The following GNAS variants were observed in gnomAD, a reference collection of about 807,000 sequenced individuals.
The protein encoded by GNAS is protein ALEX.
Under a neutral mutation model 54.5 loss-of-function variants are expected in GNAS, and 8 were observed. The observed-to-expected ratio is 0.15, with a 90% CI of 0.09 to 0.26. The LOEUF (loss-of-function observed/expected upper bound fraction) is 0.26, where lower values mean the gene tolerates loss of function less well. GNAS is among the 10% of genes least tolerant of loss of function. The pLI, the probability that GNAS is intolerant of heterozygous loss-of-function variation, is 1.00. For missense variants in GNAS, 170 were observed against 529.8 expected, an observed-to-expected ratio of 0.32 and a Z score of 6.67; for synonymous variants, 204 against 191.4, an observed-to-expected ratio of 1.07 and a Z score of -0.54.
At chr20:58,893,463 C>T (rs912665772) in intron 1 of GNAS, among the ~76,000 whole-genome samples, 2 of 152,188 alleles carry the variant, frequency 1.3e-5, no homozygotes, top group African/African-American at 2.4e-5. Flanking sequence ...TTCGTGGTCA[C>T]ATTTCAACAA....
chr20:58,890,279 C>G (rs1188841031), upstream of GNAS, among the ~76,000 whole-genome samples: 1 of 150,692 alleles, frequency 6.6e-6, no homozygotes, highest in African/African-American at 2.4e-5. Flanking sequence ...CCGCCGCCGA[C>G]GACGACGAGG....
upstream of GNAS, among the ~76,000 whole-genome samples, chr20:58,886,793 G>C (rs2088619223): frequency 6.6e-6 from 1 of 152,210 alleles, no homozygotes; most frequent in Admixed American, 6.5e-5. Context: ...TTGTGTTTCA[G>C]CACTCTGGGT....
chr20:58,905,819 T>A (rs1054834955), intron 6 of GNAS, among the ~76,000 whole-genome samples: 2 of 152,248 alleles, frequency 1.3e-5, no homozygotes, highest in Non-Finnish European at 2.9e-5. Flanking sequence ...GCTCACATTT[T>A]GAATAATGTA....
chr20:58,865,396 C>T (rs1164707878), intron 1 of GNAS, among the ~76,000 whole-genome samples: 2 of 149,260 alleles, frequency 1.3e-5, no homozygotes, highest in African/African-American at 2.5e-5. Flanking sequence ...CCAGCCTGGG[C>T]AACAAGAGCA....
At chr20:58,891,956 G>GGC (rs2089421487) in intron 1 of GNAS, 91 bp downstream of exon 1, 1 of 829,172 alleles carries the variant, frequency 1.2e-6, no homozygotes, top group Non-Finnish European at 1.4e-6. Flanking sequence ...CCCCGCCCCG[G>GGC]GCGCGCGCTC....
intron 1 of GNAS, among the ~76,000 whole-genome samples, chr20:58,846,293 A>G (rs536570912): frequency 6.6e-6 from 1 of 152,258 alleles, no homozygotes; most frequent in East Asian, 1.9e-4. Context: ...TCTGGTGGCT[A>G]AGGGGGTTAG....
chr20:58,893,491 G>A (rs574652478), intron 1 of GNAS, among the ~76,000 whole-genome samples: 2 of 152,266 alleles, frequency 1.3e-5, no homozygotes, highest in African/African-American at 4.8e-5. Flanking sequence ...TGAGTATAAA[G>A]AAAATAATAA....
chr20:58,877,180 C>T (rs974537945), intron 1 of GNAS, among the ~76,000 whole-genome samples: 11 of 150,218 alleles, frequency 7.3e-5, no homozygotes, highest in Admixed American at 6.6e-4. Context: ...AGAGGAGGCT[C>T]GTGGTGGGGG....
intron 6 of GNAS, among the ~76,000 whole-genome samples, chr20:58,908,268 C>T (rs1490097662): frequency 6.6e-6 from 1 of 152,126 alleles, no homozygotes; most frequent in African/African-American, 2.4e-5. Flanking sequence ...TTAATTACCC[C>T]AATCTTTCAA....
At chr20:58,908,311 CACAA>C (rs2091216072) in intron 6 of GNAS, among the ~76,000 whole-genome samples, 1 of 152,130 alleles carries the variant, frequency 6.6e-6, no homozygotes, top group African/African-American at 2.4e-5. Flanking sequence ...AGTCAAGCAA[CACAA>C]ACAAGATGCT....
chr20:58,855,994 G>C (rs572019763), intron 1 of GNAS: 1 of 258,766 alleles, frequency 3.9e-6, no homozygotes, highest in African/African-American at 2.2e-5. Context: ...GGCGCTCTGC[G>C]GCAAGCGGTG....
intron 1 of GNAS, among the ~76,000 whole-genome samples, chr20:58,893,797 C>T (rs2089764835): frequency 1.3e-5 from 2 of 152,220 alleles, no homozygotes; most frequent in Admixed American, 6.5e-5. Context: ...AATGCTATCT[C>T]AGTACTACTT....
At chr20:58,859,740 C>T (rs1394580890) in intron 1 of GNAS, among the ~76,000 whole-genome samples, 4 of 151,944 alleles carry the variant, frequency 2.6e-5, no homozygotes, top group Middle Eastern at 3.4e-3. Flanking sequence ...GATTCTCCTG[C>T]CTCAGCCTCC....
chr20:58,884,682 A>G (rs1457228318), intron 1 of GNAS: 3 of 152,214 alleles, frequency 2.0e-5, no homozygotes, highest in Non-Finnish European at 4.4e-5. Flanking sequence ...TTTTCCCATT[A>G]CCTTAGTCCT....
upstream of GNAS, chr20:58,889,462 C>T (rs970974257): frequency 9.4e-6 from 5 of 532,126 alleles, no homozygotes; most frequent in Non-Finnish European, 1.2e-5. Context: ...GCTGCCTTGC[C>T]CCGGGGCGCC....
At chr20:58,848,362 C>G (rs1254589116) in intron 1 of GNAS, among the ~76,000 whole-genome samples, 1 of 152,190 alleles carries the variant, frequency 6.6e-6, no homozygotes, top group Non-Finnish European at 1.5e-5. Context: ...TCCATCCCAA[C>G]TCGGCCTTTT....
chr20:58,840,559 G>A (rs202237688), upstream of GNAS: 10 of 1,612,984 alleles, frequency 6.2e-6, no homozygotes, highest in African/African-American at 1.3e-5. This position sits in a 1 kb window ranked among gnomAD's most constrained non-coding sequence, Gnocchi z 6.0. Context: ...TGGTGCCCAA[G>A]CACTCCACCT....
chr20:58,845,709 G>A (rs532767719), intron 1 of GNAS, among the ~76,000 whole-genome samples: 2 of 152,132 alleles, frequency 1.3e-5, no homozygotes, highest in Non-Finnish European at 2.9e-5. Flanking sequence ...TTTTTCAAAC[G>A]CCTCCAATAG....
At chr20:58,850,724 T>C (rs1358719444) in intron 1 of GNAS, 1 of 398,806 alleles carries the variant, frequency 2.5e-6, no homozygotes, top group Admixed American at 4.4e-5. Flanking sequence ...CACCCAAGGG[T>C]TGGCCCCTGG....
Sources: gnomAD v4.1 joint callset for allele counts (sites outside exome capture counted in the v4.1 genomes callset) on GRCh38, gnomAD v4.1.1 for gene constraint, Gnocchi (gnomAD v3.1) non-coding constraint, MANE v1.5 for transcripts, NCBI Gene and HGNC (gene_info 2026-07-23, HGNC 2026-07-21) for gene names.